COL19A1: variants seen among roughly 807,000 people sequenced by gnomAD.
The protein encoded by COL19A1 is collagen type XIX alpha 1 chain, also known as collagen alpha-1(XIX) chain.
In COL19A1, 159 loss-of-function variants were observed where a neutral mutation model predicts 190.2. That is an observed-to-expected ratio of 0.84 (90% CI 0.73 to 0.95). COL19A1 has a LOEUF of 0.95. Among genes scored for constraint, COL19A1 ranks in the 40% least tolerant of loss-of-function variants. The probability of loss-of-function intolerance (pLI) is 0.00; values close to 1 mark genes in which losing one functional copy is unlikely to be tolerated. For missense variants in COL19A1, 1,418 were observed against 1,431.9 expected (o/e 0.99, Z 0.16); for synonymous variants, 509 against 458.9 (o/e 1.11, Z -1.39).
At chr6:69,897,299 T>C (rs1769851558) in intron 2 of COL19A1, among the ~76,000 whole-genome samples, 1 of 152,226 alleles carries the variant, frequency 6.6e-6, no homozygotes, top group Non-Finnish European at 1.5e-5. Flanking sequence ...TTTTGGGTTA[T>C]GTTTGTGTTT....
chr6:70,209,033 GA>G lies in COL19A1; in HGVS notation c.*1760del, dbSNP rs1393724209. ...TATTTATTGTAAGCATTTTGACATT[GA>G]TTTTTTTTTTTTCGTTTTCTTTCTT... On this transcript the variant is annotated 3_prime_UTR_variant, in exon 51 of 51. Coordinates refer to ENST00000620364, the MANE Select transcript of COL19A1 (RefSeq NM_001858.6). The G allele has an allele frequency of 4.6e-5, 7 of 151,494 alleles. No individual in the cohort carries two copies. Among genetic ancestry groups the G allele is most frequent in the African/African-American group, 1.7e-4 (7 of 41,092 alleles). 9.4% of individuals were successfully genotyped at this position (151,494 alleles called of 1,614,324 possible).
chr6:70,204,935 A>G (rs929040022), intron 49 of COL19A1, among the ~76,000 whole-genome samples: 2 of 152,142 alleles, frequency 1.3e-5, no homozygotes, highest in African/African-American at 2.4e-5. Flanking sequence ...AAATGACCCT[A>G]AGTATATACA....
chr6:70,092,144 G>A (rs1044325111), intron 15 of COL19A1, among the ~76,000 whole-genome samples: 29 of 152,080 alleles, frequency 1.9e-4, no homozygotes, highest in African/African-American at 6.3e-4. Flanking sequence ...GAAGAGAACC[G>A]AAGAGCGCAC....
At chr6:69,979,212 TA>T (rs1221345617) in intron 11 of COL19A1, among the ~76,000 whole-genome samples, 1 of 151,908 alleles carries the variant, frequency 6.6e-6, no homozygotes, top group African/African-American at 2.4e-5. Context: ...AGCATAATGT[TA>T]ATACTAAATC....
At chr6:70,142,143 A>C in intron 22 of COL19A1, 67 bp downstream of exon 22, 1 of 1,429,270 alleles carries the variant, frequency 7.0e-7, no homozygotes, top group Non-Finnish European at 9.7e-7. Context: ...TGTGTAAAAC[A>C]TGGTGCTTTG....
Position 70,192,898 on chromosome 6 carries a change from G to C in COL19A1, c.3094+2517G>C, listed in dbSNP as rs9454997. On this transcript the variant is annotated intron_variant, in intron 48 of 50. Coordinates refer to ENST00000620364, the MANE Select transcript of COL19A1 (RefSeq NM_001858.6). ...GAAATGCCAGCGTATGTGTATTTTT[G>C]AATTGCAATCTAAAGTTTTCCTTTA... is the stretch of plus-strand genomic sequence containing the variant. Among the ~76,000 whole-genome samples, 1,227 of 152,234 alleles carry C rather than the reference G, an allele frequency of 8.1e-3. 19 individuals are homozygous for C. The highest frequency in any genetic ancestry group is 0.027 in the African/African-American group (1,135 of 41,520).
At chr6:70,103,588 A>G (rs1783770138) in intron 16 of COL19A1, among the ~76,000 whole-genome samples, 1 of 152,212 alleles carries the variant, frequency 6.6e-6, no homozygotes, top group African/African-American at 2.4e-5. Flanking sequence ...CTTCTTTTGT[A>G]ATCAGTAATC....
chr6:70,134,506 G>C (rs1785719302), intron 18 of COL19A1, among the ~76,000 whole-genome samples: 1 of 152,164 alleles, frequency 6.6e-6, no homozygotes, highest in Non-Finnish European at 1.5e-5. Flanking sequence ...TGAATTCAGA[G>C]AAAAAATAAG....
intron 11 of COL19A1, among the ~76,000 whole-genome samples, chr6:70,001,060 G>A (rs1277444997): frequency 6.6e-6 from 1 of 152,132 alleles, no homozygotes; most frequent in Non-Finnish European, 1.5e-5. Context: ...GTGTAAGAAA[G>A]GGGTCCAATT....
chr6:69,969,886 C>T (rs1775323758), intron 11 of COL19A1, among the ~76,000 whole-genome samples: 1 of 152,138 alleles, frequency 6.6e-6, no homozygotes, highest in Admixed American at 6.5e-5. Context: ...CATCTTCCAA[C>T]AGTTATCCTG....
chr6:70,158,105 T>C (rs1204575871), intron 34 of COL19A1, among the ~76,000 whole-genome samples: 2 of 152,150 alleles, frequency 1.3e-5, no homozygotes, highest in Admixed American at 1.3e-4. Flanking sequence ...TTCTTTTCCA[T>C]TGTTTCTTCA....
intron 36 of COL19A1, among the ~76,000 whole-genome samples, chr6:70,165,150 C>G (rs1765069125): frequency 6.6e-6 from 1 of 152,110 alleles, no homozygotes; most frequent in African/African-American, 2.4e-5. Context: ...GAGAGAAAAG[C>G]AGAGTTATAG....
intron 19 of COL19A1, among the ~76,000 whole-genome samples, chr6:70,139,318 G>A (rs988085639): frequency 2.0e-5 from 3 of 151,978 alleles, no homozygotes; most frequent in African/African-American, 7.2e-5. Context: ...GGAGTCATAG[G>A]CCTTTTCCTC....
intron 11 of COL19A1, among the ~76,000 whole-genome samples, chr6:69,983,174 G>A (rs1227600457): frequency 1.3e-5 from 2 of 151,598 alleles, no homozygotes; most frequent in Non-Finnish European, 2.9e-5. Context: ...TATTTATTTA[G>A]GTTTCCTGTA....
chr6:70,018,107 T>A (rs1234462956), intron 11 of COL19A1, among the ~76,000 whole-genome samples: 2 of 152,020 alleles, frequency 1.3e-5, no homozygotes, highest in African/African-American at 4.8e-5. Context: ...GGCTGAAGAT[T>A]CAGAAGAGGG....
At chr6:70,055,860 T>C (rs140806714) in intron 14 of COL19A1, among the ~76,000 whole-genome samples, 5 of 152,120 alleles carry the variant, frequency 3.3e-5, no homozygotes, top group Admixed American at 2.0e-4. Flanking sequence ...TGGTGTACCT[T>C]TTCTTTCTTG....
intron 14 of COL19A1, among the ~76,000 whole-genome samples, chr6:70,036,667 TG>T (rs1308874411): frequency 2.6e-5 from 4 of 151,538 alleles, no homozygotes; most frequent in South Asian, 2.1e-4. Context: ...AGTTTTGTTT[TG>T]TTTTTTTTAA....
intron 18 of COL19A1, among the ~76,000 whole-genome samples, chr6:70,135,367 T>C (rs1160874894): frequency 6.6e-6 from 1 of 152,154 alleles, no homozygotes; most frequent in Non-Finnish European, 1.5e-5. Context: ...GAGGTGAGGC[T>C]GAAAAGACTG....
intron 16 of COL19A1, among the ~76,000 whole-genome samples, chr6:70,113,352 C>A (rs2150201702): frequency 6.6e-6 from 1 of 152,300 alleles, no homozygotes; most frequent in African/African-American, 2.4e-5. Flanking sequence ...TGCTAATACA[C>A]AATCTCTCCT....
Sources: gnomAD v4.1 joint callset for allele counts (sites outside exome capture counted in the v4.1 genomes callset) on GRCh38, gnomAD v4.1.1 for gene constraint, MANE v1.5 for transcripts, NCBI Gene and HGNC (gene_info 2026-07-23, HGNC 2026-07-21) for gene names.